Variants in ZNF814 observed in about 807,000 individuals in gnomAD.
The protein encoded by ZNF814 is zinc finger protein 814.
A neutral mutation model predicts 7.5 loss-of-function variants in ZNF814; 5 were observed. The observed-to-expected ratio is 0.67, with a 90% CI of 0.35 to 1.40. The LOEUF is 1.40. Ranked by LOEUF, ZNF814 falls within the 40% of genes most tolerant of loss-of-function variation. ZNF814 has a pLI of 0.04. For synonymous variants in ZNF814, 315 were observed against 340.7 expected (o/e 0.92, Z 0.83); for missense variants, 962 against 1,018.0 (o/e 0.94, Z 0.75).
intron 2 of ZNF814, among the ~76,000 whole-genome samples, chr19:57,875,536 TAG>T (rs1568518646): frequency 6.6e-6 from 1 of 152,148 alleles, no homozygotes; most frequent in Non-Finnish European, 1.5e-5. Context: ...GTGAGTGCTG[TAG>T]AGAGGGATTT....
rs1282041730 is a variant in ZNF814 at position 57,873,887 on chromosome 19, G to T, written c.1503C>A (p.Phe501Leu). 9.9e-6 allele frequency: 15 copies of T among 1,512,824 alleles called. No individual in the cohort carries two copies. Among genetic ancestry groups the T allele is most frequent in the Non-Finnish European group, 1.3e-5 (15 of 1,128,438 alleles). The allele number at this position is 1,512,824 out of a possible 1,614,324, so 93.7% of individuals were successfully genotyped here. Reference sequence around the variant, plus strand: ...GTAGAACGAGGTTGCCCTTTTGACTGAAAGATTTCCCACATTCTCCACACT... The same window carrying T: ...GTAGAACGAGGTTGCCCTTTTGACTTAAAGATTTCCCACATTCTCCACACT... ...PYQCGECGKS[F>L]SQKGNLVLHQ... is the part of the protein sequence containing the mutation. Residue 501 changes from phenylalanine to leucine, a missense_variant, in exon 3 of 3, where the codon TTC becomes TTA. By Grantham distance (22) the Phe-to-Leu change is conservative. Transcript: ENST00000435989.
At chr19:57,899,574 G>T in the ZNF814 span, among the ~76,000 whole-genome samples, 1 of 152,194 alleles carries the variant, frequency 6.6e-6, no homozygotes, top group Non-Finnish European at 1.5e-5. Context: ...CCTATGCTAT[G>T]TCTCACCTTT....
At chr19:57,876,120 G>A (rs935751279) in intron 2 of ZNF814, among the ~76,000 whole-genome samples, 1 of 151,722 alleles carries the variant, frequency 6.6e-6, no homozygotes, top group Non-Finnish European at 1.5e-5. Flanking sequence ...CACCAGGCCT[G>A]ACTACTTTTT....
At chr19:57,890,341 G>T (rs73567797), upstream of ZNF814, among the ~76,000 whole-genome samples, 1,614 of 152,062 alleles carry the variant, frequency 0.011, 28 homozygotes, top group African/African-American at 0.036. Flanking sequence ...GGGGTTTTTT[G>T]TTGTTGTTGT....
chr19:57,869,632 A>ATAAC lies in ZNF814; in HGVS notation c.*3186_*3189dup, dbSNP rs2071539018. The ATAAC allele has an allele frequency of 1.3e-5, 2 of 152,186 alleles. No individual in the cohort carries two copies. Among genetic ancestry groups the ATAAC allele is most frequent in the African/African-American group, 4.8e-5 (2 of 41,444 alleles). The allele number at this position is 152,186 out of a possible 1,614,324, so 9.4% of individuals were successfully genotyped here. A position where few individuals can be genotyped will look rare whatever the true frequency, so the allele number is the denominator to read the frequency against. Reference sequence around the variant, plus strand: ...ATGCATAGCTTACTGAATGTCATTTATAACTCATCACAGCTTTAAAATATA... The same window carrying ATAAC: ...ATGCATAGCTTACTGAATGTCATTTATAACTAACTCATCACAGCTTTAAAATATA... On this transcript the variant is annotated 3_prime_UTR_variant, in exon 3 of 3. Coordinates refer to ENST00000435989, the MANE Select transcript of ZNF814 (RefSeq NM_001144989.2).
At chr19:57,902,701 C>T in the ZNF814 span, among the ~76,000 whole-genome samples, 1 of 151,716 alleles carries the variant, frequency 6.6e-6, no homozygotes, top group South Asian at 2.1e-4. Context: ...CGCTCTGTCC[C>T]CCAGGCTGGA....
chr19:57,883,011 C>A (rs1040292525), intron 1 of ZNF814, among the ~76,000 whole-genome samples: 4 of 152,118 alleles, frequency 2.6e-5, no homozygotes, highest in African/African-American at 9.7e-5. Context: ...AAGACAAACA[C>A]GGAGAAAGAA....
At chr19:57,889,739 C>T (rs1220667678), upstream of ZNF814, among the ~76,000 whole-genome samples, 1 of 152,080 alleles carries the variant, frequency 6.6e-6, no homozygotes, top group Non-Finnish European at 1.5e-5. Flanking sequence ...TGACATGCGC[C>T]TGTAATCCCA....
chr19:57,892,381 C>A (rs1453967176), upstream of ZNF814, among the ~76,000 whole-genome samples: 1 of 152,182 alleles, frequency 6.6e-6, no homozygotes, highest in Non-Finnish European at 1.5e-5. Flanking sequence ...GAGTTAGAGT[C>A]TCTCCTGGTT....
intron 1 of ZNF814, among the ~76,000 whole-genome samples, chr19:57,883,345 G>A (rs1236485064): frequency 6.0e-5 from 8 of 132,528 alleles, no homozygotes; most frequent in East Asian, 2.2e-4. Flanking sequence ...GGGCGACAGC[G>A]AGACTCCATC....
intron 2 of ZNF814, 151 bp downstream of exon 2, chr19:57,876,765 T>C (rs1014365121): frequency 3.8e-6 from 5 of 1,316,508 alleles, no homozygotes; most frequent in Non-Finnish European, 5.2e-6. Flanking sequence ...GGGCAGTATG[T>C]ACACCTCAGA....
the ZNF814 span, among the ~76,000 whole-genome samples, chr19:57,900,887 G>A: frequency 5.7e-3 from 551 of 97,496 alleles, 5 homozygotes; most frequent in African/African-American, 0.018. Context: ...TTGCTCTGTC[G>A]CCCAGGCTGG....
chr19:57,892,712 C>G (rs192353940), upstream of ZNF814, among the ~76,000 whole-genome samples: 1 of 152,344 alleles, frequency 6.6e-6, no homozygotes, highest in East Asian at 1.9e-4. Context: ...TGACAAGCAG[C>G]CACCTGAACT....
intron 2 of ZNF814, among the ~76,000 whole-genome samples, chr19:57,875,767 TAAA>T (rs931269453): frequency 6.6e-6 from 1 of 151,894 alleles, no homozygotes; most frequent in African/African-American, 2.4e-5. Context: ...GGTCAAAAGT[TAAA>T]AAAGAAAGAG....
At chr19:57,902,797 A>G in the ZNF814 span, among the ~76,000 whole-genome samples, 2 of 151,640 alleles carry the variant, frequency 1.3e-5, no homozygotes, top group Non-Finnish European at 2.9e-5. Context: ...AGTAGCTGGG[A>G]CTACAGGCGC....
At chr19:57,892,664 C>T (rs955753051), upstream of ZNF814, among the ~76,000 whole-genome samples, 1 of 152,150 alleles carries the variant, frequency 6.6e-6, no homozygotes, top group Non-Finnish European at 1.5e-5. Context: ...GGAAAACTTG[C>T]GAGCTGATGG....
chr19:57,874,772 G>A lies in ZNF814; in HGVS notation c.618C>T (p.Pro206=), dbSNP rs1197020666. ...TGTAGTGAGCTCCCCCACACTGAAT[G>A]GGAGACACACACTCAGTTTTGCTGT... ...KSNSKTECVS[P]IQCGGAHYSC... The change falls in exon 3 of 3, where the codon CCC becomes CCT. Residue 206 remains proline, a synonymous_variant. Coordinates refer to ENST00000435989, the MANE Select transcript of ZNF814 (RefSeq NM_001144989.2). 1 of 1,613,972 alleles carries A rather than the reference G, an allele frequency of 6.2e-7. No individual in the cohort carries two copies. The highest frequency in any genetic ancestry group is 1.7e-5 in the Admixed American group (1 of 59,936).
In ZNF814 at chr19:57,888,773, G is replaced by A. The variant is rs777817904; in HGVS notation, c.30C>T (p.Ser10=). 59 of 1,552,960 alleles carry A rather than the reference G, an allele frequency of 3.8e-5. No individual in the cohort carries two copies. The highest frequency in any genetic ancestry group is 4.5e-5 in the Non-Finnish European group (52 of 1,147,808). Residue 10 remains serine (S), a synonymous_variant, in exon 1 of 3, where the codon TCC becomes TCT. Coordinates refer to ENST00000435989, the MANE Select transcript of ZNF814 (RefSeq NM_001144989.2). MAAAATLRL[S]AQGTVTFEDV... is the part of the protein sequence containing the mutation. ...CAGAAGGCCCCACAATTACCTGAGC[G>A]GAGAGCCTCAGCGTAGCCGCGGCAG...
chr19:57,879,357 C>A (rs1313696792), intron 1 of ZNF814, among the ~76,000 whole-genome samples: 2 of 148,188 alleles, frequency 1.3e-5, no homozygotes, highest in African/African-American at 2.5e-5. Context: ...TCTATTATCT[C>A]CATGGAAGTC....
Sources: allele counts gnomAD v4.1 joint callset (sites outside exome capture counted in the v4.1 genomes callset), GRCh38; gene constraint gnomAD v4.1.1; transcripts MANE v1.5; gene names NCBI Gene and HGNC (gene_info 2026-07-23, HGNC 2026-07-21).